The following TBC1D1 variants were observed in gnomAD, a reference collection of about 807,000 sequenced individuals.
TBC1D1 encodes TBC1 domain family member 1, also known as TBC1 (tre-2/USP6, BUB2, cdc16) domain family, member 1.
TBC1D1 carries 89 observed loss-of-function variants against 125.6 expected under a neutral mutation model. The ratio of observed to expected loss-of-function variants is 0.71; its 90% confidence interval spans 0.60 to 0.85. The LOEUF is 0.85. TBC1D1 is among the 40% of genes least tolerant of loss of function. TBC1D1 has a pLI of 0.00. For synonymous variants in TBC1D1, 565 were observed against 564.1 expected, an observed-to-expected ratio of 1.00 and a Z score of -0.02; for missense variants, 1,377 against 1,469.2, an observed-to-expected ratio of 0.94 and a Z score of 1.03.
chr4:37,977,263 C>A lies in TBC1D1; in HGVS notation c.418-37246C>A, dbSNP rs1733314408. On this transcript the variant is annotated intron_variant, in intron 2 of 19. Transcript: ENST00000261439. The surrounding 1 kb of genome is among the most constrained non-coding windows in gnomAD (Gnocchi z 4.3). Reference sequence around the variant, plus strand: ...TCCTCTCCCCTCCTCCCCCCGCCCACCCCCTCCCCGCGCTCTCCCCTCCCA... The same window carrying A: ...TCCTCTCCCCTCCTCCCCCCGCCCAACCCCTCCCCGCGCTCTCCCCTCCCA... 1 of 148,596 alleles carries A rather than the reference C, an allele frequency of 6.7e-6. No homozygotes were observed. The highest frequency in any genetic ancestry group is 6.6e-5 in the Admixed American group (1 of 15,062). 9.2% of individuals were successfully genotyped at this position (148,596 alleles called of 1,614,324 possible).
At chr4:38,087,464 G>A (rs1757682063) in intron 12 of TBC1D1, among the ~76,000 whole-genome samples, 1 of 152,228 alleles carries the variant, frequency 6.6e-6, no homozygotes, top group African/African-American at 2.4e-5. Context: ...CCTGGGAAGA[G>A]GAAGGCTGTG....
intron 10 of TBC1D1, among the ~76,000 whole-genome samples, chr4:38,047,920 C>A (rs1225286962): frequency 6.6e-6 from 1 of 152,072 alleles, no homozygotes; most frequent in East Asian, 1.9e-4. Context: ...TCCAGTAAGC[C>A]TTATTGCTTG....
rs1762889515 is a variant in TBC1D1, at chr4:38,115,794, C to CACTTCTAGA, written c.2643_2651dup (p.Leu883_Asp884insGluLeuLeu). The stretch of plus-strand genomic sequence containing the variant: ...CTTTACAACATTTTGAAGGCCTACT[C>CACTTCTAGA]ACTTCTAGACCAGGAAGTGGGATAT... On this transcript the variant is annotated inframe_insertion, in exon 16 of 20. Coordinates refer to ENST00000261439, the MANE Select transcript of TBC1D1 (RefSeq NM_015173.4). 4 of 1,614,204 alleles carry CACTTCTAGA rather than the reference C, an allele frequency of 2.5e-6. No individual in the cohort carries two copies. The highest frequency in any genetic ancestry group is 3.4e-6 in the Non-Finnish European group (4 of 1,180,042).
chr4:38,081,211 C>G (rs1201332146), intron 12 of TBC1D1, among the ~76,000 whole-genome samples: 4 of 152,234 alleles, frequency 2.6e-5, no homozygotes, highest in East Asian at 1.9e-4. Flanking sequence ...CTTCTCGGAG[C>G]TTCTCTTGTG....
chr4:38,121,353 C>T (rs1233923709), intron 17 of TBC1D1, among the ~76,000 whole-genome samples: 1 of 152,136 alleles, frequency 6.6e-6, no homozygotes, highest in African/African-American at 2.4e-5. Context: ...AATAGAGTTC[C>T]AATACACAGT....
chr4:38,122,649 T>C (rs758006437), intron 17 of TBC1D1, among the ~76,000 whole-genome samples: 3 of 152,184 alleles, frequency 2.0e-5, no homozygotes, highest in Non-Finnish European at 4.4e-5. Context: ...AGCGTGTTCT[T>C]TGTGTTTTGC....
At chr4:38,076,364 A>G (rs558143949) in intron 12 of TBC1D1, among the ~76,000 whole-genome samples, 1 of 152,336 alleles carries the variant, frequency 6.6e-6, no homozygotes, top group Admixed American at 6.5e-5. Flanking sequence ...TATGAGAACT[A>G]CAATTCAAGA....
rs771510050 is a variant in TBC1D1, at chr4:38,137,329, C to T, written c.3501C>T (p.Gly1167=). The change falls in exon 20 of 20, where the codon GGC becomes GGT. Residue 1167 remains glycine (G), a synonymous_variant. Transcript: ENST00000261439. ...AGTGCACGCAGCCCGAGCCCACGGGCGACTGACAGCTCTGCAGGAGAGATT... is the reference window on the plus strand; with the variant it reads ...AGTGCACGCAGCCCGAGCCCACGGGTGACTGACAGCTCTGCAGGAGAGATT... 19 of 1,604,304 alleles carry T rather than the reference C, an allele frequency of 1.2e-5. 1 individual carries two copies. Among genetic ancestry groups the T allele is most frequent in the East Asian group, 6.7e-5 (3 of 44,508 alleles).
intron 17 of TBC1D1, 142 bp downstream of exon 19, chr4:38,118,334 CAG>C (rs1490842162): frequency 3.8e-6 from 4 of 1,040,552 alleles, no homozygotes; most frequent in African/African-American, 3.2e-5. Flanking sequence ...TAAGATTAGT[CAG>C]GGGTGGGTTT....
intron 2 of TBC1D1, among the ~76,000 whole-genome samples, chr4:37,917,536 C>G (rs1408970567): frequency 6.6e-6 from 1 of 152,076 alleles, no homozygotes; most frequent in East Asian, 1.9e-4. Context: ...AAGAAAGGCT[C>G]TGTGTGGTGT....
chr4:37,892,786 T>C (rs190920338), intron 1 of TBC1D1, among the ~76,000 whole-genome samples: 3 of 147,644 alleles, frequency 2.0e-5, no homozygotes, highest in East Asian at 2.7e-4. Context: ...TGGTGTCCCA[T>C]AAGGCACAGT....
chr4:38,035,199 G>A (rs1039585058), intron 7 of TBC1D1, among the ~76,000 whole-genome samples: 4 of 152,186 alleles, frequency 2.6e-5, no homozygotes, highest in Admixed American at 6.5e-5. Flanking sequence ...ACTGAATCCC[G>A]TTGCTGTTTT....
intron 2 of TBC1D1, chr4:37,952,153 T>C (rs1172010092): frequency 2.8e-6 from 2 of 709,742 alleles, no homozygotes; most frequent in Non-Finnish European, 5.2e-6. Context: ...CAGCAGCTTC[T>C]AGTTCATCCC....
chr4:38,052,192 TGTGC>T (rs1270534665), intron 11 of TBC1D1, 132 bp downstream of exon 12: 32 of 626,096 alleles, frequency 5.1e-5, no homozygotes, highest in Admixed American at 1.6e-4. Context: ...TGTGTGTGTG[TGTGC>T]GCGCGCGTGT....
intron 2 of TBC1D1, among the ~76,000 whole-genome samples, chr4:37,986,672 C>G (rs1368229177): frequency 6.6e-6 from 1 of 152,156 alleles, no homozygotes; most frequent in Admixed American, 6.5e-5. Context: ...TCTTGAACTC[C>G]TGACCTCAAG....
rs770388959 is a variant in TBC1D1 at position 38,133,152 on chromosome 4, A to G, written c.3201A>G (p.Glu1067=). ...TTGAGTACCACGTCCTTCAAGAAGA[A>G]CTTATCGATTCCTCTCCTCTCAGTG... Residue 1067 remains glutamate, a synonymous_variant, in exon 19 of 20, where the codon GAA becomes GAG. Transcript: ENST00000261439. The G allele has an allele frequency of 6.2e-7, 1 of 1,614,238 alleles. No homozygotes were observed. Among genetic ancestry groups the G allele is most frequent in the Non-Finnish European group, 8.5e-7 (1 of 1,180,026 alleles).
chr4:38,061,556 TTA>T (rs1161235744), intron 12 of TBC1D1, among the ~76,000 whole-genome samples: 1 of 152,224 alleles, frequency 6.6e-6, no homozygotes, highest in African/African-American at 2.4e-5. Flanking sequence ...CTTTCAGACT[TTA>T]TATGTCTTGT....
At position 38,020,608 on chromosome 4, in the gene TBC1D1, C is replaced by T. The variant is rs1743808484; in HGVS notation, c.990C>T (p.Asp330=). The stretch of plus-strand genomic sequence containing the variant: ...TTTGGCAGGGCATCAGACACGTGGA[C>T]CACTTTGGGTTTATCTGTCGGGAGT... The change falls in exon 5 of 20, where the codon GAC becomes GAT. Residue 330 remains aspartate (D), a synonymous_variant. Coordinates refer to ENST00000261439, the MANE Select transcript of TBC1D1 (RefSeq NM_015173.4). 4.3e-6 allele frequency: 7 copies of T among 1,612,878 alleles called. No homozygotes were observed. Among genetic ancestry groups the T allele is most frequent in the East Asian group, 4.5e-5 (2 of 44,796 alleles).
chr4:38,006,933 A>G, intron 2 of TBC1D1: 1 of 442,278 alleles, frequency 2.3e-6, no homozygotes. Flanking sequence ...AGTGTGGAGT[A>G]AGTGTTGTCA....
Sources: allele counts gnomAD v4.1 joint callset (sites outside exome capture counted in the v4.1 genomes callset), GRCh38; gene constraint gnomAD v4.1.1; non-coding constraint Gnocchi (gnomAD v3.1); transcripts MANE v1.5; gene names NCBI Gene and HGNC (gene_info 2026-07-23, HGNC 2026-07-21).